Variants in TENM2 observed in about 807,000 individuals in gnomAD.
The protein encoded by TENM2 is teneurin-2.
TENM2 carries 52 observed loss-of-function variants against 245.2 expected under a neutral mutation model. The ratio of observed to expected loss-of-function variants is 0.21; its 90% CI spans 0.17 to 0.27. The LOEUF is 0.27. Ranked by LOEUF, TENM2 falls within the 10% of genes least tolerant of loss-of-function variation. The probability of loss-of-function intolerance (pLI) is 1.00; values close to 1 mark genes in which losing one functional copy is unlikely to be tolerated. For synonymous variants in TENM2, 1,363 were observed against 1,438.9 expected (o/e 0.95, Z 1.19); for missense variants, 3,046 against 3,666.8 (o/e 0.83, Z 4.37).
At chr5:167,882,865 T>C (rs1432842328) in intron 3 of TENM2, among the ~76,000 whole-genome samples, 2 of 152,150 alleles carry the variant, frequency 1.3e-5, no homozygotes, top group African/African-American at 4.8e-5. Context: ...AACCTCAGTT[T>C]CCCTATCTGA....
At chr5:168,132,484 G>A (rs1296183842) in intron 12 of TENM2, among the ~76,000 whole-genome samples, 3 of 152,296 alleles carry the variant, frequency 2.0e-5, no homozygotes, top group African/African-American at 7.2e-5. Context: ...AGCTCTGTGG[G>A]GAGACAGTGA....
At chr5:167,677,412 T>TC (rs1756405993) in intron 2 of TENM2, among the ~76,000 whole-genome samples, 1 of 151,880 alleles carries the variant, frequency 6.6e-6, no homozygotes. Flanking sequence ...TTTTTTTTTT[T>TC]CTTTTTAAGA....
the TENM2 span, among the ~76,000 whole-genome samples, chr5:167,117,453 A>C: frequency 6.6e-6 from 1 of 152,194 alleles, no homozygotes; most frequent in Non-Finnish European, 1.5e-5. Context: ...CAGTGAGCCA[A>C]GATCGCACCC....
At chr5:167,279,137 T>C in the TENM2 span, among the ~76,000 whole-genome samples, 1 of 152,202 alleles carries the variant, frequency 6.6e-6, no homozygotes, top group African/African-American at 2.4e-5. Context: ...TGATAATAAG[T>C]CCACTTTCGT....
At chr5:167,548,917 T>C (rs1772749103) in intron 2 of TENM2, among the ~76,000 whole-genome samples, 1 of 152,204 alleles carries the variant, frequency 6.6e-6, no homozygotes, top group Non-Finnish European at 1.5e-5. Flanking sequence ...GCTATTAAAA[T>C]AAGTAGTGCT....
At chr5:167,833,630 A>G (rs1243688402) in intron 2 of TENM2, among the ~76,000 whole-genome samples, 1 of 152,240 alleles carries the variant, frequency 6.6e-6, no homozygotes, top group African/African-American at 2.4e-5. Flanking sequence ...AAACATCTCT[A>G]ACAAAGAGAA....
chr5:168,172,632 A>G (rs1758947129), intron 13 of TENM2, among the ~76,000 whole-genome samples: 1 of 152,222 alleles, frequency 6.6e-6, no homozygotes, highest in Admixed American at 6.5e-5. Context: ...AAGGCAGAGC[A>G]TAAGTGCTTG....
chr5:168,191,900 A>G (rs1484227316), intron 14 of TENM2, among the ~76,000 whole-genome samples: 1 of 152,088 alleles, frequency 6.6e-6, no homozygotes, highest in African/African-American at 2.4e-5. Context: ...AAAGTTGGAG[A>G]GCCCCAATTC....
At chr5:168,160,186 T>A (rs761830645) in intron 12 of TENM2, among the ~76,000 whole-genome samples, 1 of 152,218 alleles carries the variant, frequency 6.6e-6, no homozygotes, top group Non-Finnish European at 1.5e-5. Context: ...GTTGGAGAAA[T>A]TCTCTTTTCC....
intron 2 of TENM2, among the ~76,000 whole-genome samples, chr5:167,564,866 G>C (rs1388339646): frequency 6.6e-6 from 1 of 152,224 alleles, no homozygotes; most frequent in African/African-American, 2.4e-5. Context: ...CATCATGTTT[G>C]TTAATGGCCT....
intron 2 of TENM2, among the ~76,000 whole-genome samples, chr5:167,856,376 G>A (rs973906523): frequency 1.3e-5 from 2 of 152,160 alleles, no homozygotes; most frequent in African/African-American, 4.8e-5. Context: ...TGTTGGGAAT[G>A]GTTATAGACT....
intron 2 of TENM2, among the ~76,000 whole-genome samples, chr5:167,592,876 C>T (rs1383259216): frequency 6.6e-6 from 1 of 151,800 alleles, no homozygotes; most frequent in African/African-American, 2.4e-5. Flanking sequence ...AATGTGATTC[C>T]AATATAGATT....
At position 168,083,746 on chromosome 5, in the gene TENM2, A is replaced by G. The variant is rs560441181; in HGVS notation, c.1516-6828A>G. 3.3e-5 allele frequency among the ~76,000 whole-genome samples: 5 copies of G among 152,244 alleles called. No homozygotes were observed. The East Asian group carries it at 5.8e-4, about 18-fold the overall frequency. ...GTAATAGACGTTTTTTAAAAAAATA[A>G]TTTCAGCTTTTTTTTTAGACTCAGA... is the stretch of plus-strand genomic sequence containing the variant. On this transcript the variant is annotated intron_variant, in intron 7 of 28. Transcript: ENST00000518659.
chr5:167,390,574 T>C (rs1000616183), intron 2 of TENM2, among the ~76,000 whole-genome samples: 1 of 152,112 alleles, frequency 6.6e-6, no homozygotes, highest in Non-Finnish European at 1.5e-5. Context: ...GCAAGATAAA[T>C]ATCTCAGTAC....
At chr5:167,527,211 A>C in intron 2 of TENM2, among the ~76,000 whole-genome samples, 1 of 152,130 alleles carries the variant, frequency 6.6e-6, no homozygotes, top group East Asian at 1.9e-4. Context: ...TTGATGCAAA[A>C]AGGACATATC....
At chr5:167,570,942 A>T (rs1774228255) in intron 2 of TENM2, among the ~76,000 whole-genome samples, 1 of 152,186 alleles carries the variant, frequency 6.6e-6, no homozygotes, top group Non-Finnish European at 1.5e-5. Flanking sequence ...GGGTGAGTTC[A>T]TGAGTTGAGT....
In TENM2 at chr5:167,626,658, G is replaced by T. The variant is rs149660275; in HGVS notation, c.503-249328G>T. The stretch of plus-strand genomic sequence containing the variant: ...GTTCGGGGTGATTCTGATATAGCCA[G>T]TTAGAAAAGTTGGAACAACTGCTAT... On this transcript the variant is annotated intron_variant, in intron 2 of 28. Coordinates refer to ENST00000518659, the Ensembl canonical transcript of TENM2. Among the ~76,000 whole-genome samples the T allele has an allele frequency of 5.9e-5, 9 of 152,276 alleles. No homozygotes were observed. In the East Asian group the frequency reaches 1.7e-3, roughly 29 times the overall value.
intron 2 of TENM2, among the ~76,000 whole-genome samples, chr5:167,488,179 A>G (rs1352718764): frequency 6.6e-6 from 1 of 152,194 alleles, no homozygotes; most frequent in Non-Finnish European, 1.5e-5. Context: ...AACTGTAAGC[A>G]TAGTGTGTAC....
At chr5:167,926,635 C>T (rs1394593749) in intron 3 of TENM2, among the ~76,000 whole-genome samples, 2 of 151,804 alleles carry the variant, frequency 1.3e-5, no homozygotes, top group Non-Finnish European at 2.9e-5. Context: ...GCAGGAGAAT[C>T]GCTTGAACCC....
Sources: gnomAD v4.1 joint callset for allele counts (sites outside exome capture counted in the v4.1 genomes callset) on GRCh38, gnomAD v4.1.1 for gene constraint, MANE v1.5 for transcripts, NCBI Gene and HGNC (gene_info 2026-07-23, HGNC 2026-07-21) for gene names.